The following ZFHX4 variants were observed in gnomAD, a reference collection of about 807,000 sequenced individuals.
The protein encoded by ZFHX4 is zinc finger homeobox 4.
Under a neutral mutation model 267.6 loss-of-function variants are expected in ZFHX4, and 56 were observed. The ratio of observed to expected loss-of-function variants is 0.21; its 90% CI spans 0.17 to 0.26. ZFHX4 has a LOEUF of 0.26. Among genes scored for constraint, ZFHX4 ranks in the 10% least tolerant of loss-of-function variants. ZFHX4 has a pLI of 1.00. For missense variants in ZFHX4, 4,332 were observed against 4,420.0 expected (o/e 0.98, Z 0.56); for synonymous variants, 1,778 against 1,665.6 (o/e 1.07, Z -1.64).
intron 3 of ZFHX4, among the ~76,000 whole-genome samples, chr8:76,725,399 T>G (rs1209915204): frequency 2.0e-5 from 3 of 152,114 alleles, no homozygotes; most frequent in Non-Finnish European, 2.9e-5. Flanking sequence ...AAGAGCTACG[T>G]TTTAAAATAT....
In ZFHX4 at chr8:76,864,115, G is replaced by A. The variant is rs925085872; in HGVS notation, c.10401G>A (p.Gln3467=). The A allele has an allele frequency of 6.2e-6, 10 of 1,613,734 alleles. No individual in the cohort carries two copies. Among genetic ancestry groups the A allele is most frequent in the Admixed American group, 1.7e-5 (1 of 59,982 alleles). The change falls in exon 11 of 11, where the codon CAG becomes CAA. Residue 3467 remains glutamine (Q), a synonymous_variant. Transcript: ENST00000651372. Reference sequence around the variant, plus strand: ...ATGAAGCACTTAGCCAACACCTCCAGTCAAGCTTGCACAAAGAGAAAACAA... The same window carrying A: ...ATGAAGCACTTAGCCAACACCTCCAATCAAGCTTGCACAAAGAGAAAACAA... ...SGNEALSQHL[Q]SSLHKEKTIK...
intron 2 of ZFHX4, among the ~76,000 whole-genome samples, 200 bp downstream of exon 2, chr8:76,706,878 G>T (rs898403054): frequency 5.3e-5 from 8 of 152,166 alleles, no homozygotes; most frequent in African/African-American, 1.9e-4. Flanking sequence ...AGAGTTAAGG[G>T]ATCAATGGCG....
Position 76,704,034 on chromosome 8 carries a change from T to C in ZFHX4, c.-46-9T>C. 1 of 1,506,608 alleles carries C rather than the reference T, an allele frequency of 6.6e-7. No individual in the cohort carries two copies. 93.3% of individuals were successfully genotyped at this position (1,506,608 alleles called of 1,614,324 possible). A position where few individuals can be genotyped will look rare whatever the true frequency, so the allele number is the denominator to read the frequency against. Reference sequence around the variant, plus strand: ...AAAAATGGCTTCTCTCACCTTATTTTTTATCCAGGTCCCTGACAGGCTGGA... The same window carrying C: ...AAAAATGGCTTCTCTCACCTTATTTCTTATCCAGGTCCCTGACAGGCTGGA... On this transcript the variant is annotated splice_polypyrimidine_tract_variant and intron_variant, in intron 1 of 10. Coordinates refer to ENST00000651372, the MANE Select transcript of ZFHX4 (RefSeq NM_024721.5).
intron 10 of ZFHX4, among the ~76,000 whole-genome samples, chr8:76,857,861 G>A (rs1586020176): frequency 6.7e-6 from 1 of 148,848 alleles, no homozygotes; most frequent in East Asian, 1.9e-4. Context: ...TTTTGCATAT[G>A]GTATGAGTCT....
chr8:76,800,136 C>T (rs1225112377), intron 4 of ZFHX4, among the ~76,000 whole-genome samples: 1 of 151,920 alleles, frequency 6.6e-6, no homozygotes, highest in Non-Finnish European at 1.5e-5. Context: ...CCAAAAGGTA[C>T]AAAGTGAAGG....
At chr8:76,703,392 G>A (rs1402341602) in intron 1 of ZFHX4, among the ~76,000 whole-genome samples, 6 of 152,210 alleles carry the variant, frequency 3.9e-5, no homozygotes, top group Admixed American at 3.3e-4. Context: ...TGACTGAAGT[G>A]TGGGGAGGAA....
At chr8:76,833,207 G>C in intron 4 of ZFHX4, 131 bp from the exon 5 acceptor site, 1 of 650,554 alleles carries the variant, frequency 1.5e-6, no homozygotes, top group Non-Finnish European at 2.8e-6. Context: ...AATGTGTGCT[G>C]GAGACTCACC....
At chr8:76,702,649 A>C (rs1277186305) in intron 1 of ZFHX4, among the ~76,000 whole-genome samples, 1 of 152,200 alleles carries the variant, frequency 6.6e-6, no homozygotes, top group Non-Finnish European at 1.5e-5. Flanking sequence ...TATGATATGC[A>C]ATGTAATATA....
At chr8:76,798,308 G>A (rs1054903168) in intron 4 of ZFHX4, among the ~76,000 whole-genome samples, 3 of 152,068 alleles carry the variant, frequency 2.0e-5, no homozygotes, top group African/African-American at 7.2e-5. Flanking sequence ...TATGCAAGGC[G>A]AGCATTCAGT....
chr8:76,752,929 T>C (rs1371722965), intron 3 of ZFHX4, among the ~76,000 whole-genome samples: 1 of 152,214 alleles, frequency 6.6e-6, no homozygotes. Context: ...TCTACCACCA[T>C]AGTGTGCCAC....
At chr8:76,702,099 G>A (rs1452899187) in intron 1 of ZFHX4, among the ~76,000 whole-genome samples, 1 of 152,050 alleles carries the variant, frequency 6.6e-6, no homozygotes, top group Non-Finnish European at 1.5e-5. Context: ...AAAATTATTA[G>A]GTTTTCTTAC....
At chr8:76,805,590 C>CT (rs34607717) in intron 4 of ZFHX4, among the ~76,000 whole-genome samples, 3,237 of 138,474 alleles carry the variant, frequency 0.023, 50 homozygotes, top group African/African-American at 0.049. Context: ...GACACTTAGG[C>CT]TTTTTTTTTT....
chr8:76,778,508 CA>C, intron 4 of ZFHX4, 69 bp downstream of exon 4: 1 of 1,165,874 alleles, frequency 8.6e-7, no homozygotes. Flanking sequence ...CACACACACA[CA>C]AACACACACA....
intron 4 of ZFHX4, among the ~76,000 whole-genome samples, chr8:76,783,842 A>C (rs1316625744): frequency 1.3e-4 from 20 of 152,036 alleles, no homozygotes; most frequent in Admixed American, 1.3e-3. Context: ...ATATCAATAA[A>C]TATATTAAGA....
In ZFHX4 at chr8:76,705,737, G is replaced by T; in HGVS notation, c.1649G>T (p.Ser550Ile). ...GTTAGGGCCAGTGGCAGTGTTGCTA[G>T]TAACTATGGCATCAGTGGCAAGGAC... is the stretch of plus-strand genomic sequence containing the variant. ...AAVRASGSVA[S>I]NYGISGKDFA... is the part of the protein sequence containing the mutation. Residue 550 changes from serine to isoleucine, a missense_variant, in exon 2 of 11, where the codon AGT (serine) becomes ATT (isoleucine). This residue lies in a region of ZFHX4 where 1,195 missense variants were observed against 1,173.6 expected (regional missense o/e 1.02). Transcript: ENST00000651372. The T allele has an allele frequency of 6.2e-7, 1 of 1,614,020 alleles. No individual in the cohort carries two copies. Among genetic ancestry groups the T allele is most frequent in the Non-Finnish European group, 8.5e-7 (1 of 1,179,896 alleles).
At chr8:76,782,535 T>G (rs1035821150) in intron 4 of ZFHX4, among the ~76,000 whole-genome samples, 1 of 152,004 alleles carries the variant, frequency 6.6e-6, no homozygotes, top group Non-Finnish European at 1.5e-5. Flanking sequence ...TAATTCAGTA[T>G]ATTACATTTT....
In ZFHX4 at chr8:76,854,266, C is replaced by T; in HGVS notation, c.7345C>T (p.Gln2449Ter). The stretch of plus-strand genomic sequence containing the variant: ...GGCATCCACAGCCCAGCCACAGCCA[C>T]AGCCACAGCCACCAAAACAACCCCA... ...PQASTAQPQPQPQPPKQPQLI... is the reference protein window; with the variant it reads ...PQASTAQPQP Residue 2449 changes from glutamine (Q) to a stop codon, truncating the protein, a stop_gained, in exon 10 of 11, where the codon CAG (glutamine) becomes TAG (stop). Transcript: ENST00000651372. LOFTEE classifies it high-confidence loss of function. The T allele has an allele frequency of 1.3e-6, 2 of 1,583,170 alleles. No individual in the cohort carries two copies. Among genetic ancestry groups the T allele is most frequent in the Non-Finnish European group, 1.7e-6 (2 of 1,164,678 alleles).
At chr8:76,850,070 C>A in intron 8 of ZFHX4, 175 bp from the exon 9 acceptor site, 1 of 597,594 alleles carries the variant, frequency 1.7e-6, no homozygotes, top group Non-Finnish European at 3.0e-6. Context: ...ACAACATTGC[C>A]ACAGCATTGA....
chr8:76,709,810 T>TGC (rs1388890780), intron 3 of ZFHX4, among the ~76,000 whole-genome samples: 4 of 141,860 alleles, frequency 2.8e-5, no homozygotes, highest in South Asian at 4.2e-4. Flanking sequence ...TGCGTGTGTG[T>TGC]GTGTGTGTGT....
Sources: gnomAD v4.1 joint callset for allele counts (sites outside exome capture counted in the v4.1 genomes callset) on GRCh38, gnomAD v4.1.1 for gene constraint, gnomAD v4.1.1 regional missense constraint, MANE v1.5 for transcripts, NCBI Gene and HGNC (gene_info 2026-07-23, HGNC 2026-07-21) for gene names.